Variants in KCNG2 observed in about 807,000 individuals in gnomAD.
The protein encoded by KCNG2 is potassium voltage-gated channel modifier subfamily G member 2, also known as voltage-gated potassium channel regulatory subunit KCNG2.
KCNG2 carries 7 observed loss-of-function variants against 12.3 expected under a neutral mutation model. The observed-to-expected ratio is 0.57, with a 90% CI of 0.32 to 1.07. The LOEUF is 1.07. KCNG2 is among the 50% of genes least tolerant of loss of function. KCNG2 has a pLI of 0.04. For missense variants in KCNG2, 703 were observed against 726.0 expected (o/e 0.97, Z 0.36); for synonymous variants, 414 against 351.4 (o/e 1.18, Z -1.99).
chr18:79,843,568 T>C (rs922042682), intron 1 of KCNG2, among the ~76,000 whole-genome samples: 1 of 152,208 alleles, frequency 6.6e-6, no homozygotes, highest in Non-Finnish European at 1.5e-5. Flanking sequence ...TAATATATAA[T>C]GTAAATTGTG....
At chr18:79,856,832 C>T (rs998866540) in intron 2 of KCNG2, among the ~76,000 whole-genome samples, 3 of 152,046 alleles carry the variant, frequency 2.0e-5, no homozygotes, top group East Asian at 1.9e-4. Flanking sequence ...TAGGAAGCTC[C>T]GTCTTGTGAG....
At chr18:79,879,213 G>A (rs1980197791) in intron 3 of KCNG2, among the ~76,000 whole-genome samples, 1 of 152,234 alleles carries the variant, frequency 6.6e-6, no homozygotes. Flanking sequence ...GCACCTCAAA[G>A]GGGAGAATGG....
At chr18:79,834,630 C>A (rs1978313877) in intron 1 of KCNG2, among the ~76,000 whole-genome samples, 1 of 152,128 alleles carries the variant, frequency 6.6e-6, no homozygotes, top group Non-Finnish European at 1.5e-5. Flanking sequence ...TAAAAGGAAA[C>A]CAGTGTATCA....
rs767874315 is a variant in KCNG2 at position 79,863,787 on chromosome 18, CGCGCGCCTGGAGCGCCT to C, written c.130_146del (p.Glu44ProfsTer11). The C allele has an allele frequency of 8.5e-6, 11 of 1,289,596 alleles. No homozygotes were observed. The South Asian group carries it at 1.7e-4, about 20-fold the overall frequency. The allele number at this position is 1,289,596 out of a possible 1,614,324, so 79.9% of individuals were successfully genotyped here. A position where few individuals can be genotyped will look rare whatever the true frequency, so the allele number is the denominator to read the frequency against. On this transcript the variant is annotated frameshift_variant, in exon 3 of 4. Transcript: ENST00000316249. LOFTEE classifies it high-confidence loss of function. ...GGGCCGCGCTGGCGCGATGCCCCCT[CGCGCGCCTGGAGCGCCT>C]GCGCGCCTGCCGCGGCCACGACGAC...
chr18:79,885,079 G>A (rs1023702239), intron 3 of KCNG2, among the ~76,000 whole-genome samples: 5 of 152,152 alleles, frequency 3.3e-5, no homozygotes, highest in Non-Finnish European at 7.3e-5. Flanking sequence ...CCTGACAGTA[G>A]AGGGCAGAAG....
chr18:79,826,484 T>C (rs866195420), intron 1 of KCNG2, among the ~76,000 whole-genome samples: 1 of 130,650 alleles, frequency 7.7e-6, no homozygotes, highest in Non-Finnish European at 1.6e-5. Flanking sequence ...AAGAACTGAG[T>C]GAGCAGCTCC....
At chr18:79,812,791 G>T (rs2087501509) in intron 1 of KCNG2, among the ~76,000 whole-genome samples, 1 of 152,150 alleles carries the variant, frequency 6.6e-6, no homozygotes, top group Non-Finnish European at 1.5e-5. Context: ...AACCCAGGAG[G>T]CAGAGGTTGC....
intron 1 of KCNG2, among the ~76,000 whole-genome samples, chr18:79,845,971 G>A (rs1388964290): frequency 6.6e-6 from 1 of 151,864 alleles, no homozygotes; most frequent in Non-Finnish European, 1.5e-5. Flanking sequence ...GGCCCCTGTA[G>A]TCCCAGCTAC....
chr18:79,864,321 G>C lies in KCNG2; in HGVS notation c.624+30G>C, dbSNP rs781546222. On this transcript the variant is annotated intron_variant, in intron 3 of 3. Coordinates refer to ENST00000316249, the MANE Select transcript of KCNG2 (RefSeq NM_012283.2). Reference sequence around the variant, plus strand: ...GCGCGGCCGGGGGTGGCGGGGACCGGGCCGGAGCTGGGGCTGGGCTGGGAT... The same window carrying C: ...GCGCGGCCGGGGGTGGCGGGGACCGCGCCGGAGCTGGGGCTGGGCTGGGAT... The C allele has an allele frequency of 8.2e-6, 12 of 1,468,502 alleles. No homozygotes were observed. The East Asian group carries it at 3.1e-4, about 38-fold the overall frequency. 91.0% of individuals were successfully genotyped at this position (1,468,502 alleles called of 1,614,324 possible). A position where few individuals can be genotyped will look rare whatever the true frequency, so the allele number is the denominator to read the frequency against.
chr18:79,881,376 T>C (rs901697873), intron 3 of KCNG2, among the ~76,000 whole-genome samples: 7 of 152,070 alleles, frequency 4.6e-5, no homozygotes, highest in Non-Finnish European at 7.4e-5. Flanking sequence ...CGCCGTATGA[T>C]TGGAAAGCAA....
At chr18:79,799,144 A>T (rs2087388159) in intron 1 of KCNG2, among the ~76,000 whole-genome samples, 1 of 152,122 alleles carries the variant, frequency 6.6e-6, no homozygotes, top group African/African-American at 2.4e-5. Flanking sequence ...GATTGTAAAT[A>T]ATGGATTTTG....
At position 79,884,080 on chromosome 18, in the gene KCNG2, A is replaced by G. The variant is rs1417230561; in HGVS notation, c.625-14960A>G. ...CTTTTCTTCTCCCAGTGCCTCCCGG[A>G]GGCTGGGCCCTCTTCTCCCACCAGC... On this transcript the variant is annotated intron_variant, in intron 3 of 3. Transcript: ENST00000316249. This position sits in a 1 kb window ranked among gnomAD's most constrained non-coding sequence, Gnocchi z 5.5. Among the ~76,000 whole-genome samples the G allele has an allele frequency of 6.7e-6, 1 of 149,708 alleles. No homozygotes were observed. Among genetic ancestry groups the G allele is most frequent in the Non-Finnish European group, 1.5e-5 (1 of 67,718 alleles).
intron 3 of KCNG2, among the ~76,000 whole-genome samples, chr18:79,891,813 G>A (rs996315848): frequency 7.9e-5 from 12 of 152,078 alleles, no homozygotes; most frequent in South Asian, 4.1e-4. Flanking sequence ...AGTCTGTTCC[G>A]TGTGCACATT....
At chr18:79,820,812 C>G (rs2087564778) in intron 1 of KCNG2, among the ~76,000 whole-genome samples, 1 of 152,068 alleles carries the variant, frequency 6.6e-6, no homozygotes, top group South Asian at 2.1e-4. Flanking sequence ...CCACACCCAG[C>G]TAATTTTTGT....
At chr18:79,805,136 A>G (rs2087439207) in intron 1 of KCNG2, among the ~76,000 whole-genome samples, 1 of 152,242 alleles carries the variant, frequency 6.6e-6, no homozygotes, top group East Asian at 1.9e-4. Context: ...ACGTATTTGT[A>G]GATACATCTT....
chr18:79,819,241 G>C (rs2087553224), intron 1 of KCNG2, among the ~76,000 whole-genome samples: 1 of 152,218 alleles, frequency 6.6e-6, no homozygotes, highest in Non-Finnish European at 1.5e-5. Context: ...ACACCAGGCA[G>C]GCCCTACCCG....
intron 1 of KCNG2, among the ~76,000 whole-genome samples, chr18:79,802,950 G>A (rs1387866289): frequency 7.2e-5 from 11 of 152,228 alleles, no homozygotes; most frequent in Admixed American, 5.2e-4. Flanking sequence ...AGGCTGAGGC[G>A]GGCAGATCAC....
chr18:79,853,917 CA>C (rs1978913980), intron 1 of KCNG2, among the ~76,000 whole-genome samples: 4 of 152,334 alleles, frequency 2.6e-5, no homozygotes, highest in African/African-American at 9.6e-5. Context: ...GGAGCTGGCT[CA>C]GGGGGCTTCC....
chr18:79,890,018 C>T (rs982649898), intron 3 of KCNG2, among the ~76,000 whole-genome samples: 8 of 152,166 alleles, frequency 5.3e-5, no homozygotes, highest in African/African-American at 9.7e-5. Flanking sequence ...TGATGTATCA[C>T]GTTAAGTGAT....
Sources: allele counts gnomAD v4.1 joint callset (sites outside exome capture counted in the v4.1 genomes callset), GRCh38; gene constraint gnomAD v4.1.1; non-coding constraint Gnocchi (gnomAD v3.1); transcripts MANE v1.5; gene names NCBI Gene and HGNC (gene_info 2026-07-23, HGNC 2026-07-21).